ECT2: variants seen among roughly 807,000 people sequenced by gnomAD.
The protein encoded by ECT2 is protein ECT2.
A neutral mutation model predicts 116.9 loss-of-function variants in ECT2; 61 were observed. The ratio of observed to expected loss-of-function variants is 0.52; its 90% CI spans 0.42 to 0.65. The LOEUF (loss-of-function observed/expected upper bound fraction) is 0.65. Ranked by LOEUF, ECT2 falls within the 30% of genes least tolerant of loss-of-function variation. The pLI, the probability that ECT2 is intolerant of heterozygous loss-of-function variation, is 0.00. For synonymous variants in ECT2, 358 were observed against 346.4 expected, an observed-to-expected ratio of 1.03 and a Z score of -0.37; for missense variants, 937 against 1,078.7, an observed-to-expected ratio of 0.87 and a Z score of 1.84.
rs1232982756 is a variant in ECT2 at position 172,780,506 on chromosome 3, T to A, written c.1549-1657T>A. On this transcript the variant is annotated intron_variant, in intron 14 of 24. Coordinates refer to ENST00000392692, the MANE Select transcript of ECT2 (RefSeq NM_001258315.2). ...TATATGGTAGTTTTGTATTTAAAAATTTTAAGAAAATGCCAGGGTTTTCCC... is the reference window on the plus strand; with the variant it reads ...TATATGGTAGTTTTGTATTTAAAAAATTTAAGAAAATGCCAGGGTTTTCCC... 2.6e-5 allele frequency among the ~76,000 whole-genome samples: 4 copies of A among 152,174 alleles called. No individual in the cohort carries two copies. The South Asian group carries it at 8.3e-4, about 31-fold the overall frequency.
At chr3:172,793,201 C>G (rs1339250462) in intron 18 of ECT2, among the ~76,000 whole-genome samples, 1 of 152,166 alleles carries the variant, frequency 6.6e-6, no homozygotes, top group Non-Finnish European at 1.5e-5. Flanking sequence ...GAGTCTCACT[C>G]TGTCTCCAGG....
Position 172,807,818 on chromosome 3 carries a change from C to A in ECT2, c.2294C>A (p.Ala765Glu). 1 of 1,613,824 alleles carries A rather than the reference C, an allele frequency of 6.2e-7. No homozygotes were observed. Among genetic ancestry groups the A allele is most frequent in the Non-Finnish European group, 8.5e-7 (1 of 1,179,810 alleles). Residue 765 changes from alanine (A) to glutamate (E), a missense_variant, in exon 22 of 25, where the codon GCA becomes GAA. Coordinates refer to ENST00000392692, the MANE Select transcript of ECT2 (RefSeq NM_001258315.2). Reference protein sequence around the residue: ...ALLVRPPTEQANVLLSFQMTS... With the variant: ...ALLVRPPTEQENVLLSFQMTS... ...CTTGTGAGGCCACCAACAGAGCAGG[C>A]AAATGTGCTACTCAGTTTCCAGATG...
intron 18 of ECT2, among the ~76,000 whole-genome samples, chr3:172,798,065 C>T (rs1472080033): frequency 6.6e-6 from 1 of 152,026 alleles, no homozygotes; most frequent in African/African-American, 2.4e-5. Flanking sequence ...AGGTGAACCC[C>T]TGGGAAGCCT....
intron 13 of ECT2, 68 bp from the exon 14 acceptor site, chr3:172,773,835 C>A: frequency 3.4e-6 from 5 of 1,468,258 alleles, no homozygotes; most frequent in Non-Finnish European, 4.7e-6. Flanking sequence ...TCTCCTTTAT[C>A]ACTGTCTATC....
At chr3:172,804,462 TC>T (rs1440728017) in intron 20 of ECT2, among the ~76,000 whole-genome samples, 1 of 152,192 alleles carries the variant, frequency 6.6e-6, no homozygotes, top group Non-Finnish European at 1.5e-5. Flanking sequence ...ACTACCTGTT[TC>T]CCTCATAAAA....
At chr3:172,779,048 G>A (rs1272289319) in intron 14 of ECT2, among the ~76,000 whole-genome samples, 2 of 152,204 alleles carry the variant, frequency 1.3e-5, no homozygotes, top group African/African-American at 4.8e-5. Flanking sequence ...ATTAATACTT[G>A]TAAAGCATTT....
intron 14 of ECT2, among the ~76,000 whole-genome samples, chr3:172,778,761 AG>A (rs1393453191): frequency 6.6e-6 from 1 of 151,584 alleles, no homozygotes; most frequent in African/African-American, 2.4e-5. Context: ...ATGCCTGGCT[AG>A]TTTTTTGTAT....
At chr3:172,781,692 G>A (rs1458827321) in intron 14 of ECT2, among the ~76,000 whole-genome samples, 1 of 151,914 alleles carries the variant, frequency 6.6e-6, no homozygotes, top group East Asian at 1.9e-4. Context: ...TGCGTGTTTC[G>A]GTTAAAAGAA....
chr3:172,755,020 G>C (rs1361062788), intron 2 of ECT2, among the ~76,000 whole-genome samples: 1 of 151,862 alleles, frequency 6.6e-6, no homozygotes, highest in South Asian at 2.1e-4. Flanking sequence ...TATATGCACT[G>C]TTGAGGAGGA....
At chr3:172,760,054 T>G in intron 6 of ECT2, 102 bp from the exon 7 acceptor site, 1 of 599,302 alleles carries the variant, frequency 1.7e-6, no homozygotes, top group Admixed American at 3.7e-5. Context: ...ATGTATTTTA[T>G]AAATAGAAAG....
intron 13 of ECT2, among the ~76,000 whole-genome samples, 158 bp from the exon 14 acceptor site, chr3:172,773,745 A>G (rs1428322584): frequency 6.6e-6 from 1 of 152,226 alleles, no homozygotes; most frequent in African/African-American, 2.4e-5. Context: ...CATAAAATAG[A>G]ATAGAAAATA....
chr3:172,823,220 T>G (rs1730757915), downstream of ECT2, among the ~76,000 whole-genome samples: 1 of 152,030 alleles, frequency 6.6e-6, no homozygotes. Flanking sequence ...TAGGTCAATA[T>G]AAACAAAGTT....
In ECT2 at chr3:172,805,838, T is replaced by G. The variant is rs1245116262; in HGVS notation, c.2214T>G (p.Ile738Met). The G allele has an allele frequency of 1.2e-6, 2 of 1,613,622 alleles. No individual in the cohort carries two copies. Among genetic ancestry groups the G allele is most frequent in the Non-Finnish European group, 1.7e-6 (2 of 1,179,774 alleles). ...TTCACCTAATGCCTCTTTCTCAGATTAAGAAGGTATTGGACATAAGAGAGA... is the reference window on the plus strand; with the variant it reads ...TTCACCTAATGCCTCTTTCTCAGATGAAGAAGGTATTGGACATAAGAGAGA... ...KHIHLMPLSQ[I>M]KKVLDIRETE... The change falls in exon 21 of 25, where the codon ATT (isoleucine) becomes ATG (methionine). Residue 738 changes from isoleucine (I) to methionine (M), a missense_variant. Transcript: ENST00000392692.
downstream of ECT2, among the ~76,000 whole-genome samples, chr3:172,822,942 G>T (rs1730746954): frequency 6.6e-6 from 1 of 151,830 alleles, no homozygotes; most frequent in Admixed American, 6.6e-5. Context: ...ACTAGAAGGG[G>T]GTAGAAAGCA....
chr3:172,806,142 T>C lies in ECT2; in HGVS notation c.2245+273T>C, dbSNP rs151297856. On this transcript the variant is annotated intron_variant, in intron 21 of 24. Coordinates refer to ENST00000392692, the MANE Select transcript of ECT2 (RefSeq NM_001258315.2). ...GCTTTTAAATGGCTATGTATTAAAA[T>C]AGCACCCTAGCCTAGCCTATTGCCA... 133 of 250,982 alleles carry C rather than the reference T, an allele frequency of 5.3e-4. 1 individual carries two copies. Among genetic ancestry groups the C allele is most frequent in the Middle Eastern group, 1.3e-3 (1 of 774 alleles). 15.5% of individuals were successfully genotyped at this position (250,982 alleles called of 1,614,324 possible).
chr3:172,801,612 T>C (rs905826611), intron 18 of ECT2, among the ~76,000 whole-genome samples: 3 of 152,244 alleles, frequency 2.0e-5, no homozygotes, highest in African/African-American at 7.2e-5. Context: ...TAATTTGCCC[T>C]GCGGACTAGG....
At chr3:172,793,456 T>G in intron 18 of ECT2, among the ~76,000 whole-genome samples, 1 of 146,668 alleles carries the variant, frequency 6.8e-6, no homozygotes, top group African/African-American at 2.5e-5. Flanking sequence ...CCCAGCCTAT[T>G]TTTTACTTTT....
At chr3:172,821,872 A>G (rs1358577960), downstream of ECT2, among the ~76,000 whole-genome samples, 2 of 151,854 alleles carry the variant, frequency 1.3e-5, no homozygotes, top group Non-Finnish European at 3.0e-5. Context: ...CTGGCAAAAT[A>G]TAGCAGGTAG....
chr3:172,817,018 A>G (rs953160503), intron 24 of ECT2, among the ~76,000 whole-genome samples, 181 bp downstream of exon 24: 27 of 152,108 alleles, frequency 1.8e-4, no homozygotes, highest in African/African-American at 6.5e-4. Context: ...TCAGTGAGAT[A>G]TTTTCATTCT....
Sources: allele counts gnomAD v4.1 joint callset (sites outside exome capture counted in the v4.1 genomes callset), GRCh38; gene constraint gnomAD v4.1.1; transcripts MANE v1.5; gene names NCBI Gene and HGNC (gene_info 2026-07-23, HGNC 2026-07-21).